Variants in UST observed in about 807,000 individuals in gnomAD.
The protein encoded by UST is uronyl 2-sulfotransferase, also known as chondroitin sulfate 2-O-sulfotransferase.
Under a neutral mutation model 45.6 loss-of-function variants are expected in UST, and 21 were observed. The ratio of observed to expected loss-of-function variants is 0.46; its 90% CI spans 0.33 to 0.66. UST has a LOEUF of 0.66. Among genes scored for constraint, UST ranks in the 30% least tolerant of loss-of-function variants. The pLI is 0.02. For missense variants in UST, 463 were observed against 512.4 expected, an observed-to-expected ratio of 0.90 and a Z score of 0.93; for synonymous variants, 215 against 200.6, an observed-to-expected ratio of 1.07 and a Z score of -0.61.
intron 1 of UST, among the ~76,000 whole-genome samples, chr6:148,808,118 T>C (rs1777185849): frequency 6.6e-6 from 1 of 152,130 alleles, no homozygotes; most frequent in African/African-American, 2.4e-5. Context: ...TGCTGGAGTT[T>C]CCATGGGCAT....
At chr6:148,780,310 G>A (rs1776619771) in intron 1 of UST, among the ~76,000 whole-genome samples, 1 of 152,058 alleles carries the variant, frequency 6.6e-6, no homozygotes, top group Non-Finnish European at 1.5e-5. Flanking sequence ...TAGGTCCAGA[G>A]GTACATGTGC....
intron 1 of UST, among the ~76,000 whole-genome samples, chr6:148,786,112 G>T (rs1776729727): frequency 6.6e-6 from 1 of 151,084 alleles, no homozygotes. Flanking sequence ...TTTCCTAACA[G>T]GATGTATATG....
At chr6:148,876,485 G>A (rs775633288) in intron 1 of UST, among the ~76,000 whole-genome samples, 8 of 152,052 alleles carry the variant, frequency 5.3e-5, no homozygotes, top group African/African-American at 1.2e-4. Flanking sequence ...AAAGTCACTC[G>A]GCTAGTAGAG....
intron 5 of UST, among the ~76,000 whole-genome samples, chr6:148,984,763 C>T (rs1207585875): frequency 2.0e-5 from 3 of 152,170 alleles, no homozygotes; most frequent in Non-Finnish European, 4.4e-5. Flanking sequence ...TCTGCCTTGG[C>T]CTCCCAGAGT....
intron 2 of UST, among the ~76,000 whole-genome samples, chr6:148,911,973 GATC>G (rs1305856282): frequency 5.3e-5 from 8 of 152,304 alleles, no homozygotes; most frequent in African/African-American, 1.9e-4. Flanking sequence ...AAGGGGGGCA[GATC>G]ACTTGAGGTC....
intron 1 of UST, among the ~76,000 whole-genome samples, chr6:148,843,577 C>T (rs4897060): frequency 5.3e-5 from 8 of 152,032 alleles, no homozygotes; most frequent in South Asian, 2.1e-4. Flanking sequence ...TAACTCTCTT[C>T]GGCATTTTGC....
At chr6:148,853,755 T>C (rs530128265) in intron 1 of UST, among the ~76,000 whole-genome samples, 1 of 152,374 alleles carries the variant, frequency 6.6e-6, no homozygotes, top group Admixed American at 6.5e-5. Context: ...GCCGCATGTA[T>C]GTCTTCTTTT....
intron 3 of UST, among the ~76,000 whole-genome samples, chr6:148,944,597 A>C (rs1780197095): frequency 6.6e-6 from 1 of 152,092 alleles, no homozygotes; most frequent in Non-Finnish European, 1.5e-5. Context: ...TGAAGGGATT[A>C]TTAAAAAGGA....
chr6:148,750,817 G>A (rs948393791), intron 1 of UST, among the ~76,000 whole-genome samples: 3 of 152,130 alleles, frequency 2.0e-5, no homozygotes, highest in African/African-American at 7.2e-5. Flanking sequence ...TTTATTTAGG[G>A]AACTAGACCC....
At chr6:148,924,853 G>A (rs1316343528) in intron 2 of UST, among the ~76,000 whole-genome samples, 1 of 152,166 alleles carries the variant, frequency 6.6e-6, no homozygotes, top group African/African-American at 2.4e-5. Context: ...CTTGGTTGGG[G>A]CTGGGCTGAG....
chr6:148,770,859 A>G lies in UST; in HGVS notation c.247+23182A>G, dbSNP rs181069800. 5.0e-4 allele frequency among the ~76,000 whole-genome samples: 76 copies of G among 152,286 alleles called. 1 individual carries two copies. Among genetic ancestry groups the G allele is most frequent in the African/African-American group, 1.7e-3 (72 of 41,554 alleles). ...CCGAGGTCCTTTGCCTTTTCGCCTC[A>G]TGCCACAGGGAAGCATATTTCAGCA... On this transcript the variant is annotated intron_variant, in intron 1 of 7. Coordinates refer to ENST00000367463, the MANE Select transcript of UST (RefSeq NM_005715.3).
At chr6:149,015,005 GTCA>G (rs1283815809) in intron 5 of UST, among the ~76,000 whole-genome samples, 2 of 152,142 alleles carry the variant, frequency 1.3e-5, no homozygotes, top group Non-Finnish European at 2.9e-5. Flanking sequence ...AGAAGCTGCT[GTCA>G]TCATCCTGTG....
intron 1 of UST, among the ~76,000 whole-genome samples, chr6:148,780,686 A>G (rs35222020): frequency 0.036 from 5,415 of 152,294 alleles, 170 homozygotes; most frequent in Middle Eastern, 0.051. Context: ...CCAGTCTGCC[A>G]TTGATGGGCA....
intron 2 of UST, among the ~76,000 whole-genome samples, chr6:148,905,848 A>G (rs919417601): frequency 6.6e-6 from 1 of 152,204 alleles, no homozygotes; most frequent in Non-Finnish European, 1.5e-5. Flanking sequence ...AAGCACTTAG[A>G]ATGTCACTTC....
chr6:149,029,741 T>C (rs561052575), intron 7 of UST, among the ~76,000 whole-genome samples: 40 of 152,090 alleles, frequency 2.6e-4, no homozygotes, highest in African/African-American at 8.7e-4. Flanking sequence ...AAAAACTCAG[T>C]TTTCATTGAT....
At chr6:148,987,841 G>T (rs988158465) in intron 5 of UST, among the ~76,000 whole-genome samples, 2 of 151,994 alleles carry the variant, frequency 1.3e-5, no homozygotes, top group Non-Finnish European at 2.9e-5. Flanking sequence ...TCTTCATCAT[G>T]TGCTTTCATT....
chr6:149,019,051 C>A (rs142963363), intron 5 of UST, 88 bp from the exon 6 acceptor site: 10,801 of 1,012,908 alleles, frequency 0.011, 114 homozygotes, highest in Middle Eastern at 0.03. Context: ...CTGTGTAATT[C>A]AATCATGAAT....
At chr6:149,035,935 C>T (rs543755944) in intron 7 of UST, among the ~76,000 whole-genome samples, 1 of 152,218 alleles carries the variant, frequency 6.6e-6, no homozygotes, top group East Asian at 1.9e-4. Context: ...AGTTTTCCCA[C>T]GGAAAAATTA....
chr6:148,849,222 G>A (rs1778058995), intron 1 of UST, among the ~76,000 whole-genome samples: 1 of 152,102 alleles, frequency 6.6e-6, no homozygotes, highest in Non-Finnish European at 1.5e-5. Context: ...AGTCATCCAG[G>A]CATCCCTCAT....
Sources: allele counts gnomAD v4.1 joint callset (sites outside exome capture counted in the v4.1 genomes callset), GRCh38; gene constraint gnomAD v4.1.1; transcripts MANE v1.5; gene names NCBI Gene and HGNC (gene_info 2026-07-23, HGNC 2026-07-21).